The following MACROD1 variants were observed in gnomAD, a reference collection of about 807,000 sequenced individuals.
MACROD1 encodes mono-ADP ribosylhydrolase 1.
MACROD1 carries 31 observed loss-of-function variants against 41.4 expected under a neutral mutation model. The ratio of observed to expected loss-of-function variants is 0.75; its 90% CI spans 0.56 to 1.01. The LOEUF (loss-of-function observed/expected upper bound fraction) is 1.01, where lower values mean the gene tolerates loss of function less well. Ranked by LOEUF, MACROD1 falls within the 50% of genes least tolerant of loss-of-function variation. The probability of loss-of-function intolerance (pLI) is 0.00; values close to 1 mark genes in which losing one functional copy is unlikely to be tolerated. For missense variants in MACROD1, 473 were observed against 460.0 expected, an observed-to-expected ratio of 1.03 and a Z score of -0.26; for synonymous variants, 252 against 203.4, an observed-to-expected ratio of 1.24 and a Z score of -2.03.
rs1271894429 is a variant in MACROD1 at position 64,064,412 on chromosome 11, G to A, written c.518-49131C>T. 3.9e-5 allele frequency among the ~76,000 whole-genome samples: 6 copies of A among 152,120 alleles called. No homozygotes were observed. The highest frequency in any genetic ancestry group is 5.9e-5 in the Non-Finnish European group (4 of 68,026). ...ATGGAGGAGGCTCAGGGCCAGTGCC[G>A]GGACTCCAGCTCCTCTGGGCACTGG... On this transcript the variant is annotated intron_variant, in intron 3 of 10. Coordinates refer to ENST00000255681, the MANE Select transcript of MACROD1 (RefSeq NM_014067.4). The surrounding 1 kb of genome is among the most constrained non-coding windows in gnomAD (Gnocchi z 4.5).
chr11:64,109,728 C>T (rs1341914304), intron 3 of MACROD1, among the ~76,000 whole-genome samples: 1 of 152,146 alleles, frequency 6.6e-6, no homozygotes, highest in Non-Finnish European at 1.5e-5. Context: ...GCCCCATCCA[C>T]CAGCTCTGTG....
At chr11:64,142,226 C>T (rs1201229260) in intron 3 of MACROD1, among the ~76,000 whole-genome samples, 1 of 152,206 alleles carries the variant, frequency 6.6e-6, no homozygotes. Context: ...CATGGAGTCA[C>T]TTATTCATTC....
At chr11:64,084,140 C>A (rs1203081336) in intron 3 of MACROD1, among the ~76,000 whole-genome samples, 1 of 152,200 alleles carries the variant, frequency 6.6e-6, no homozygotes, top group East Asian at 1.9e-4. Context: ...TATACCTGTA[C>A]ATGAGTGCAT....
intron 3 of MACROD1, chr11:64,117,279 T>G: frequency 6.2e-7 from 1 of 1,614,166 alleles, no homozygotes; most frequent in Non-Finnish European, 8.5e-7. Context: ...CAACCTCATG[T>G]GGCTGCGGGA....
chr11:64,137,654 A>C (rs1270784744), intron 3 of MACROD1, among the ~76,000 whole-genome samples: 1 of 152,140 alleles, frequency 6.6e-6, no homozygotes, highest in Admixed American at 6.5e-5. Context: ...TCGAGAGTGT[A>C]AACTACAAGG....
intron 3 of MACROD1, chr11:64,118,185 CCCTCCAACGGCAGCAG>C (rs1379541651): frequency 6.2e-7 from 1 of 1,613,456 alleles, no homozygotes; most frequent in Non-Finnish European, 8.5e-7. Flanking sequence ...CACTATCTTC[CCCTCCAACGGCAGCAG>C]CCTCTGCAAG....
At chr11:63,999,123 C>T (rs1942770258) in intron 8 of MACROD1, 87 bp from the exon 9 acceptor site, 2 of 1,373,766 alleles carry the variant, frequency 1.5e-6, no homozygotes, top group Non-Finnish European at 2.0e-6. Context: ...AGGCTTTCAC[C>T]TGCCTGGCCC....
intron 3 of MACROD1, among the ~76,000 whole-genome samples, chr11:64,070,190 G>A (rs1277389986): frequency 6.6e-6 from 1 of 152,180 alleles, no homozygotes; most frequent in African/African-American, 2.4e-5. Flanking sequence ...AGCTGGTTGG[G>A]CGACAGAGAT....
intron 1 of MACROD1, among the ~76,000 whole-genome samples, chr11:64,162,159 T>G (rs1451415259): frequency 6.6e-6 from 1 of 152,158 alleles, no homozygotes. Flanking sequence ...CTGGGCAACA[T>G]GTCAAAATTC....
intron 4 of MACROD1, among the ~76,000 whole-genome samples, 171 bp from the exon 5 acceptor site, chr11:64,000,514 A>G (rs1363491467): frequency 6.8e-6 from 1 of 147,416 alleles, no homozygotes; most frequent in Admixed American, 6.7e-5. Flanking sequence ...GGAATGTTTC[A>G]CATCTGGGGA....
chr11:64,100,432 G>A (rs1944651440), intron 3 of MACROD1, among the ~76,000 whole-genome samples: 2 of 152,152 alleles, frequency 1.3e-5, no homozygotes, highest in Non-Finnish European at 2.9e-5. Context: ...TGGTTTATTG[G>A]TTTTGAGCAC....
intron 3 of MACROD1, among the ~76,000 whole-genome samples, chr11:64,025,602 G>GTTCT (rs1180045525): frequency 6.6e-6 from 1 of 152,106 alleles, no homozygotes; most frequent in African/African-American, 2.4e-5. Context: ...GGTAAGATAG[G>GTTCT]TTCTGTGTCT....
At chr11:64,052,046 G>C (rs902637396) in intron 3 of MACROD1, among the ~76,000 whole-genome samples, 1 of 151,542 alleles carries the variant, frequency 6.6e-6, no homozygotes, top group Admixed American at 6.6e-5. Context: ...ATCTAGGGGG[G>C]CATTTTGGGA....
At chr11:64,112,065 G>A (rs528162316) in intron 3 of MACROD1, among the ~76,000 whole-genome samples, 1 of 152,344 alleles carries the variant, frequency 6.6e-6, no homozygotes, top group South Asian at 2.1e-4. Flanking sequence ...CCATGGACAG[G>A]TCTCTGTGCC....
chr11:64,133,879 C>CCA (rs1263869319), intron 3 of MACROD1, among the ~76,000 whole-genome samples: 1 of 152,224 alleles, frequency 6.6e-6, no homozygotes, highest in Non-Finnish European at 1.5e-5. Context: ...CGACAGCAAA[C>CCA]CCAGGTCTGG....
In MACROD1 at chr11:64,120,548, TG is replaced by T. The variant is rs1216991443; in HGVS notation, c.517+30690del. On this transcript the variant is annotated intron_variant, in intron 3 of 10. Transcript: ENST00000255681. This position sits in a 1 kb window ranked among gnomAD's most constrained non-coding sequence, Gnocchi z 4.5. ...TAAAAATGCAAAAATTAGCCAGGCATGGTGGCAGGCGCCTGTTACCTGGCTA... is the reference window on the plus strand; with the variant it reads ...TAAAAATGCAAAAATTAGCCAGGCATGTGGCAGGCGCCTGTTACCTGGCTA... 6.6e-6 allele frequency among the ~76,000 whole-genome samples: 1 copy of T among 152,028 alleles called. No homozygotes were observed. Among genetic ancestry groups the T allele is most frequent in the Non-Finnish European group, 1.5e-5 (1 of 68,014 alleles).
At chr11:64,018,651 C>G (rs746191774) in intron 3 of MACROD1, among the ~76,000 whole-genome samples, 2 of 152,178 alleles carry the variant, frequency 1.3e-5, no homozygotes, top group Non-Finnish European at 2.9e-5. Flanking sequence ...TCCTGGCCAC[C>G]GGCTTGAGCC....
At chr11:64,000,148 G>T in intron 5 of MACROD1, 79 bp downstream of exon 5, 1 of 1,190,440 alleles carries the variant, frequency 8.4e-7, no homozygotes, top group African/African-American at 1.5e-5. Context: ...CACTCCTGTG[G>T]GGGCCGCACC....
At chr11:64,105,425 C>T (rs1049318978) in intron 3 of MACROD1, among the ~76,000 whole-genome samples, 2 of 152,200 alleles carry the variant, frequency 1.3e-5, no homozygotes, top group Non-Finnish European at 2.9e-5. Context: ...TGGGTTGGGG[C>T]CTGGCCCTCT....
Sources: gnomAD v4.1 joint callset for allele counts (sites outside exome capture counted in the v4.1 genomes callset) on GRCh38, gnomAD v4.1.1 for gene constraint, Gnocchi (gnomAD v3.1) non-coding constraint, MANE v1.5 for transcripts, NCBI Gene and HGNC (gene_info 2026-07-23, HGNC 2026-07-21) for gene names.